Variants in CELF2 observed in about 807,000 individuals in gnomAD.
CELF2 encodes the protein CUG triplet repeat RNA-binding protein 2.
In CELF2, 8 loss-of-function variants were observed where a neutral mutation model predicts 62.6. That is an observed-to-expected ratio of 0.13 (90% CI 0.07 to 0.23). The LOEUF is 0.23. Among genes scored for constraint, CELF2 ranks in the 10% least tolerant of loss-of-function variants. The pLI is 1.00. For synonymous variants in CELF2, 258 were observed against 250.0 expected, an observed-to-expected ratio of 1.03 and a Z score of -0.30; for missense variants, 333 against 671.0, an observed-to-expected ratio of 0.50 and a Z score of 5.56.
Position 11,223,234 on chromosome 10 carries a change from G to A in CELF2, c.354+5727G>A, listed in dbSNP as rs2065435110. On this transcript the variant is annotated intron_variant, in intron 3 of 12. Transcript: ENST00000633077. This position sits in a 1 kb window ranked among gnomAD's most constrained non-coding sequence, Gnocchi z 5.1. ...CCAGCATCCTCACAGTCAGGCCTGA[G>A]CGGGGCACTGCCTGAGGAGCTTCCT... 6.6e-6 allele frequency among the ~76,000 whole-genome samples: 1 copy of A among 152,222 alleles called. No homozygotes were observed. The highest frequency in any genetic ancestry group is 1.5e-5 in the Non-Finnish European group (1 of 68,034).
intron 2 of CELF2, among the ~76,000 whole-genome samples, chr10:10,967,548 A>T (rs559281841): frequency 6.6e-6 from 1 of 152,224 alleles, no homozygotes; most frequent in African/African-American, 2.4e-5. Flanking sequence ...AAAGGCGGGG[A>T]GGGTGGTGAG....
the CELF2 span, among the ~76,000 whole-genome samples, chr10:10,714,102 AC>A: frequency 6.6e-6 from 1 of 152,096 alleles, no homozygotes; most frequent in South Asian, 2.1e-4. Flanking sequence ...CAACACGAAG[AC>A]CCTACTTTCA....
At position 11,145,088 on chromosome 10, in the gene CELF2, A is replaced by G. The variant is rs7904448; in HGVS notation, c.75-20398A>G. 2.4e-3 allele frequency among the ~76,000 whole-genome samples: 363 copies of G among 152,306 alleles called. 4 individuals are homozygous for G. The highest frequency in any genetic ancestry group is 8.2e-3 in the African/African-American group (341 of 41,562). ...ACTGTGTTCCTCCCTGTAATGCAGT[A>G]GCCAAAGGTAATCTGTTTGTTATGT... On this transcript the variant is annotated intron_variant, in intron 1 of 12. Transcript: ENST00000633077. This position sits in a 1 kb window ranked among gnomAD's most constrained non-coding sequence, Gnocchi z 4.3.
chr10:10,864,237 G>T (rs572141449), intron 1 of CELF2, among the ~76,000 whole-genome samples: 1 of 149,386 alleles, frequency 6.7e-6, no homozygotes, highest in South Asian at 2.2e-4. Flanking sequence ...TTAACATCAG[G>T]GCATTTTTTT....
chr10:10,847,768 T>G (rs543827782), intron 1 of CELF2, among the ~76,000 whole-genome samples: 32 of 152,290 alleles, frequency 2.1e-4, no homozygotes, highest in African/African-American at 7.5e-4. Flanking sequence ...TCTGATTCAT[T>G]TGGTCTGAGA....
chr10:10,468,512 T>C, the CELF2 span, among the ~76,000 whole-genome samples: 3 of 152,138 alleles, frequency 2.0e-5, no homozygotes, highest in South Asian at 6.2e-4. Flanking sequence ...TTGATTGCTG[T>C]TGATCTGGAT....
At chr10:11,104,852 C>T (rs952099345) in intron 1 of CELF2, among the ~76,000 whole-genome samples, 7 of 152,198 alleles carry the variant, frequency 4.6e-5, no homozygotes, top group Non-Finnish European at 8.8e-5. Flanking sequence ...TCAGTATCAA[C>T]GCTTGTAGGT....
chr10:10,726,660 G>A, the CELF2 span, among the ~76,000 whole-genome samples: 1 of 152,166 alleles, frequency 6.6e-6, no homozygotes, highest in Non-Finnish European at 1.5e-5. Flanking sequence ...ATTTTCTGTA[G>A]TAATGTTTAC....
intron 2 of CELF2, among the ~76,000 whole-genome samples, chr10:11,172,581 G>A (rs1418757313): frequency 6.6e-6 from 1 of 152,172 alleles, no homozygotes; most frequent in East Asian, 1.9e-4. Context: ...GTGCCCGTCG[G>A]TCACAGTGCT....
chr10:10,863,948 G>A (rs1195698969), intron 1 of CELF2, among the ~76,000 whole-genome samples: 2 of 152,156 alleles, frequency 1.3e-5, no homozygotes, highest in African/African-American at 4.8e-5. Flanking sequence ...ATAAAAGCTT[G>A]TCCCTTACGC....
the CELF2 span, among the ~76,000 whole-genome samples, chr10:10,752,836 A>C: frequency 2.0e-3 from 301 of 147,686 alleles, 1 homozygote; most frequent in African/African-American, 6.8e-3. Context: ...TTCTACCATG[A>C]TAGGCATTAA....
At chr10:11,115,354 A>G (rs1359753791) in intron 1 of CELF2, among the ~76,000 whole-genome samples, 1 of 152,218 alleles carries the variant, frequency 6.6e-6, no homozygotes, top group African/African-American at 2.4e-5. Context: ...GGCGTTTAAC[A>G]TACTTTTCTT....
the CELF2 span, among the ~76,000 whole-genome samples, chr10:10,705,824 C>A: frequency 6.6e-6 from 1 of 152,156 alleles, no homozygotes; most frequent in Non-Finnish European, 1.5e-5. Context: ...TGTCCCAGTT[C>A]GCCATGAACA....
chr10:10,501,134 T>C, the CELF2 span, among the ~76,000 whole-genome samples: 1 of 152,230 alleles, frequency 6.6e-6, no homozygotes, highest in African/African-American at 2.4e-5. Flanking sequence ...TGGAGTGCAG[T>C]TGCTGAGTCA....
intron 3 of CELF2, among the ~76,000 whole-genome samples, chr10:11,239,948 G>A (rs998097215): frequency 1.3e-5 from 2 of 152,180 alleles, no homozygotes; most frequent in African/African-American, 4.8e-5. Context: ...AGCTATTCGG[G>A]AGGCTAAGGC....
chr10:10,696,596 C>G, the CELF2 span, among the ~76,000 whole-genome samples: 1 of 151,980 alleles, frequency 6.6e-6, no homozygotes, highest in Non-Finnish European at 1.5e-5. Flanking sequence ...GCGCCCCTCC[C>G]CCAGCCTCGC....
At chr10:10,873,210 A>T (rs1485150466) in intron 1 of CELF2, among the ~76,000 whole-genome samples, 2 of 152,214 alleles carry the variant, frequency 1.3e-5, no homozygotes, top group African/African-American at 4.8e-5. Flanking sequence ...TAGTATAAAA[A>T]ATACAAAATG....
chr10:10,696,363 C>T, the CELF2 span, among the ~76,000 whole-genome samples: 1 of 151,688 alleles, frequency 6.6e-6, no homozygotes. Flanking sequence ...TGCCCGTTCT[C>T]AGATCTCCAG....
Position 10,890,789 on chromosome 10 carries a change from C to T in CELF2, c.54-29175C>T, listed in dbSNP as rs147715601. On this transcript the variant is annotated intron_variant, in intron 1 of 13. Coordinates refer to the CELF2 transcript ENST00000636488. ...CAGCACTTTGGGAGGCCAAAGCGGG[C>T]GGATCGCCTGAGGTGAGGAGTTCAA... 9.0e-3 allele frequency among the ~76,000 whole-genome samples: 1,370 copies of T among 152,242 alleles called. 20 individuals are homozygous for T. The highest frequency in any genetic ancestry group is 0.031 in the African/African-American group (1,295 of 41,546).
Sources: allele counts gnomAD v4.1 joint callset (sites outside exome capture counted in the v4.1 genomes callset), GRCh38; gene constraint gnomAD v4.1.1; non-coding constraint Gnocchi (gnomAD v3.1); transcripts MANE v1.5; gene names NCBI Gene and HGNC (gene_info 2026-07-23, HGNC 2026-07-21).